Variants in TENM3 observed in about 807,000 individuals in gnomAD.
TENM3 encodes teneurin-3.
In TENM3, 63 loss-of-function variants were observed where a neutral mutation model predicts 255.1. That is an observed-to-expected ratio of 0.25 (90% CI 0.20 to 0.30). The LOEUF (loss-of-function observed/expected upper bound fraction) is 0.30. TENM3 is among the 10% of genes least tolerant of loss of function. The probability of loss-of-function intolerance (pLI) is 1.00; values close to 1 mark genes in which losing one functional copy is unlikely to be tolerated. For synonymous variants in TENM3, 1,306 were observed against 1,322.3 expected, an observed-to-expected ratio of 0.99 and a Z score of 0.27; for missense variants, 2,929 against 3,461.1, an observed-to-expected ratio of 0.85 and a Z score of 3.86.
intron 1 of TENM3, among the ~76,000 whole-genome samples, chr4:182,230,854 A>ATATATATATC (rs1374417797): frequency 8.1e-6 from 1 of 123,900 alleles, no homozygotes; most frequent in Non-Finnish European, 1.7e-5. Flanking sequence ...ATATATATAT[A>ATATATATATC]TATCCCCCTT....
chr4:181,616,365 A>T, the TENM3 span, among the ~76,000 whole-genome samples: 5 of 139,938 alleles, frequency 3.6e-5, no homozygotes, highest in African/African-American at 1.1e-4. Context: ...ATATATATCA[A>T]TAGGATATAT....
the TENM3 span, among the ~76,000 whole-genome samples, chr4:181,470,944 AT>A: frequency 2.6e-5 from 4 of 150,956 alleles, no homozygotes; most frequent in South Asian, 2.1e-4. Flanking sequence ...TTTTGACATA[AT>A]TTTTTTTCAT....
At chr4:181,975,936 G>A in the TENM3 span, 11 of 152,154 alleles carry the variant, frequency 7.2e-5, no homozygotes, top group African/African-American at 2.4e-4. Context: ...AGCAAGGTTG[G>A]TTTCTTCTGA....
At chr4:181,606,713 A>G in the TENM3 span, among the ~76,000 whole-genome samples, 6 of 152,084 alleles carry the variant, frequency 3.9e-5, no homozygotes, top group African/African-American at 1.4e-4. Context: ...TGCTAGTCTT[A>G]TGTGGTCTCC....
the TENM3 span, among the ~76,000 whole-genome samples, chr4:181,719,135 A>G: frequency 5.1e-4 from 77 of 151,552 alleles, no homozygotes; most frequent in East Asian, 3.9e-3. Flanking sequence ...GAACCCGGGA[A>G]GCGGAGCTTG....
chr4:181,533,909 G>T, the TENM3 span, among the ~76,000 whole-genome samples: 63 of 152,182 alleles, frequency 4.1e-4, no homozygotes, highest in Non-Finnish European at 2.1e-4. Flanking sequence ...ATCATTTATA[G>T]AGATAAAACC....
At chr4:182,327,000 G>C (rs1417079235) in intron 2 of TENM3, among the ~76,000 whole-genome samples, 1 of 152,192 alleles carries the variant, frequency 6.6e-6, no homozygotes, top group Admixed American at 6.5e-5. Context: ...CCTTCCTGTG[G>C]TTTGATATGC....
chr4:182,024,351 G>C, the TENM3 span, among the ~76,000 whole-genome samples: 3 of 152,164 alleles, frequency 2.0e-5, no homozygotes, highest in Admixed American at 6.5e-5. Context: ...AAACACTGGA[G>C]CAATTCAAGT....
chr4:182,506,347 A>G (rs1560843529), intron 3 of TENM3, among the ~76,000 whole-genome samples: 1 of 152,208 alleles, frequency 6.6e-6, no homozygotes, highest in Non-Finnish European at 1.5e-5. Flanking sequence ...TTGAAGTTCA[A>G]TCTTGTCATT....
chr4:182,539,601 G>C (rs1410000985), intron 3 of TENM3, among the ~76,000 whole-genome samples: 2 of 152,204 alleles, frequency 1.3e-5, no homozygotes, highest in African/African-American at 4.8e-5. Flanking sequence ...CCAGGTTTGT[G>C]ATCATCAACA....
At chr4:182,570,597 C>T (rs1744257275) in intron 3 of TENM3, among the ~76,000 whole-genome samples, 1 of 152,172 alleles carries the variant, frequency 6.6e-6, no homozygotes, top group Non-Finnish European at 1.5e-5. Flanking sequence ...CGCCTGTAAT[C>T]CCAACACTTT....
chr4:181,468,132 C>CCAAAAAAAAAAAAAAAAAA, the TENM3 span, among the ~76,000 whole-genome samples: 1 of 130,736 alleles, frequency 7.6e-6, no homozygotes. Context: ...CCCATCTGTA[C>CCAAAAAAAAAAAAAAAAAA]AAAAAAAAAA....
chr4:182,452,122 T>C (rs1773512101), intron 3 of TENM3, among the ~76,000 whole-genome samples: 1 of 152,216 alleles, frequency 6.6e-6, no homozygotes, highest in Admixed American at 6.5e-5. Flanking sequence ...ATATGTAGTT[T>C]AGATTAAAGG....
the TENM3 span, among the ~76,000 whole-genome samples, chr4:181,497,993 C>A: frequency 6.6e-5 from 10 of 152,122 alleles, no homozygotes; most frequent in Non-Finnish European, 1.3e-4. Context: ...AATTCAAAAA[C>A]AGGTACTCTC....
chr4:181,865,281 A>C, the TENM3 span, among the ~76,000 whole-genome samples: 1 of 152,218 alleles, frequency 6.6e-6, no homozygotes, highest in Non-Finnish European at 1.5e-5. Flanking sequence ...CTTTAAAGGA[A>C]GGCTCATTCC....
the TENM3 span, among the ~76,000 whole-genome samples, chr4:181,642,333 G>A: frequency 3.3e-5 from 5 of 151,842 alleles, no homozygotes; most frequent in Admixed American, 1.3e-4. Flanking sequence ...TTTTTTTCTT[G>A]TAAACTTGTT....
chr4:181,511,219 A>G, the TENM3 span, among the ~76,000 whole-genome samples: 1 of 152,230 alleles, frequency 6.6e-6, no homozygotes, highest in East Asian at 1.9e-4. Flanking sequence ...TTGTGTCGTA[A>G]GAGGAACAGC....
At chr4:181,474,307 A>T in the TENM3 span, among the ~76,000 whole-genome samples, 108 of 152,306 alleles carry the variant, frequency 7.1e-4, no homozygotes, top group African/African-American at 2.5e-3. Context: ...CCCAGAACTT[A>T]AAGTATGATA....
chr4:181,725,258 C>A, the TENM3 span, among the ~76,000 whole-genome samples: 7 of 152,282 alleles, frequency 4.6e-5, no homozygotes, highest in Non-Finnish European at 7.4e-5. Flanking sequence ...AGTATTTTTA[C>A]TGATGTTTAC....
Sources: allele counts gnomAD v4.1 joint callset (sites outside exome capture counted in the v4.1 genomes callset), GRCh38; gene constraint gnomAD v4.1.1; transcripts MANE v1.5; gene names NCBI Gene and HGNC (gene_info 2026-07-23, HGNC 2026-07-21).